ARHGEF11: variants seen among roughly 807,000 people sequenced by gnomAD.
ARHGEF11 encodes the protein Rho guanine nucleotide exchange factor 11.
ARHGEF11 carries 55 observed loss-of-function variants against 193.7 expected under a neutral mutation model. The observed-to-expected ratio is 0.28, with a 90% confidence interval of 0.23 to 0.36. The LOEUF (loss-of-function observed/expected upper bound fraction) is 0.36, where lower values mean the gene tolerates loss of function less well. Ranked by LOEUF, ARHGEF11 falls within the 10% of genes least tolerant of loss-of-function variation. The probability of loss-of-function intolerance (pLI) is 1.00; values close to 1 mark genes in which losing one functional copy is unlikely to be tolerated. For synonymous variants in ARHGEF11, 693 were observed against 768.0 expected (o/e 0.90, Z 1.62); for missense variants, 1,723 against 2,005.6 (o/e 0.86, Z 2.69).
chr1:157,039,490 C>T (rs925243400), intron 1 of ARHGEF11, among the ~76,000 whole-genome samples: 2 of 152,136 alleles, frequency 1.3e-5, no homozygotes, highest in Middle Eastern at 3.2e-3. Context: ...TCTAACATGA[C>T]TTTTTATGAA....
At chr1:156,992,221 AC>A (rs1249928782) in intron 1 of ARHGEF11, among the ~76,000 whole-genome samples, 2 of 152,154 alleles carry the variant, frequency 1.3e-5, no homozygotes, top group Non-Finnish European at 2.9e-5. Flanking sequence ...TTTCTTCCTT[AC>A]ACAACAGGTA....
In ARHGEF11 at chr1:156,947,759, A is replaced by C. The variant is rs1658413308; in HGVS notation, c.2341+10T>G. ...TGAGCGGAGCTGGGGGCAGTGGAGC[A>C]CGTTCTCACCATTGATGACCTCTTG... On this transcript the variant is annotated intron_variant, in intron 25 of 40. Transcript: ENST00000368194. 1 of 1,611,896 alleles carries C rather than the reference A, an allele frequency of 6.2e-7. No individual in the cohort carries two copies. The highest frequency in any genetic ancestry group is 1.7e-5 in the Admixed American group (1 of 59,978).
rs1571512919 is a variant in ARHGEF11, at chr1:157,016,370, CCACCA to C, written c.32+27924_32+27928del. 2.0e-5 allele frequency among the ~76,000 whole-genome samples: 3 copies of C among 152,204 alleles called. No homozygotes were observed. The East Asian group carries it at 5.8e-4, about 29-fold the overall frequency. On this transcript the variant is annotated intron_variant, in intron 1 of 40. Coordinates refer to ENST00000368194, the MANE Select transcript of ARHGEF11 (RefSeq NM_198236.3). Reference sequence around the variant, plus strand: ...GAGTAGCTGGGATTATAGACACCTGCCACCACACCCAGCTAATTTTTGTATTTTTA... The same window carrying C: ...GAGTAGCTGGGATTATAGACACCTGCCACCCAGCTAATTTTTGTATTTTTA...
chr1:157,010,027 G>A (rs979466717), intron 1 of ARHGEF11, among the ~76,000 whole-genome samples: 1 of 152,058 alleles, frequency 6.6e-6, no homozygotes, highest in Admixed American at 6.5e-5. Context: ...TGCCCCTAAG[G>A]TCAGCAACAA....
At chr1:156,961,883 A>T (rs1660910484) in intron 13 of ARHGEF11, 108 bp from the exon 14 acceptor site, 2 of 916,430 alleles carry the variant, frequency 2.2e-6, no homozygotes, top group Non-Finnish European at 3.5e-6. Flanking sequence ...TGTTACAACT[A>T]CTGGGCAAGT....
In ARHGEF11 at chr1:156,955,641, C is replaced by T. The variant is rs74116941; in HGVS notation, c.1768+62G>A. On this transcript the variant is annotated intron_variant, in intron 20 of 40. Coordinates refer to ENST00000368194, the MANE Select transcript of ARHGEF11 (RefSeq NM_198236.3). ...AAGGCCCTCTGCCAACATACTGGTACATGAAAGGGCTGAGGTCCCTGCCCA... is the reference window on the plus strand; with the variant it reads ...AAGGCCCTCTGCCAACATACTGGTATATGAAAGGGCTGAGGTCCCTGCCCA... 6.5e-5 allele frequency: 86 copies of T among 1,314,296 alleles called. No homozygotes were observed. The African/African-American group carries it at 1.0e-3, about 16-fold the overall frequency. The allele number at this position is 1,314,296 out of a possible 1,614,324, so 81.4% of individuals were successfully genotyped here.
In ARHGEF11 at chr1:156,939,812, G is replaced by T. The variant is rs375668144; in HGVS notation, c.3832C>A (p.Pro1278Thr). ...QEPEDDLTPT[P>T]SVISVTSHPW... is the part of the protein sequence containing the mutation. ...TGAGAGGTGACGCTGATGACAGAAG[G>T]TGTGGGTGTCAGGTCGTCCTCGGGC... The change falls in exon 37 of 41, where the codon CCT (proline) becomes ACT (threonine). Residue 1278 changes from proline to threonine, a missense_variant. Transcript: ENST00000368194. The T allele has an allele frequency of 4.2e-5, 67 of 1,613,692 alleles. No homozygotes were observed. Among genetic ancestry groups the T allele is most frequent in the Non-Finnish European group, 5.6e-5 (66 of 1,179,966 alleles).
At chr1:156,978,982 C>G (rs995500336) in intron 5 of ARHGEF11, among the ~76,000 whole-genome samples, 1 of 152,176 alleles carries the variant, frequency 6.6e-6, no homozygotes, top group Non-Finnish European at 1.5e-5. Flanking sequence ...ATAGGTGTGG[C>G]AAAGATGAGT....
chr1:156,977,043 A>C lies in ARHGEF11; in HGVS notation c.522T>G (p.Val174=). Reference sequence around the variant, plus strand: ...TGAGGATCTGGGTGGCATGTTTTTGAACTTCGGGATCCTAGACATGGAAAA... The same window carrying C: ...TGAGGATCTGGGTGGCATGTTTTTGCACTTCGGGATCCTAGACATGGAAAA... ...TGPKPLQDPE[V]QKHATQILRN... Residue 174 remains valine (V), a synonymous_variant, in exon 7 of 41, where the codon GTT becomes GTG. Coordinates refer to ENST00000368194, the MANE Select transcript of ARHGEF11 (RefSeq NM_198236.3). The C allele has an allele frequency of 6.2e-7, 1 of 1,614,006 alleles. No homozygotes were observed.
chr1:157,034,427 G>A (rs1276908885), intron 1 of ARHGEF11, among the ~76,000 whole-genome samples: 1 of 152,250 alleles, frequency 6.6e-6, no homozygotes, highest in Non-Finnish European at 1.5e-5. Context: ...AGAACTCTGA[G>A]AGGCTGAAGG....
At chr1:156,952,533 G>T (rs116840418) in intron 21 of ARHGEF11, among the ~76,000 whole-genome samples, 92 of 152,356 alleles carry the variant, frequency 6.0e-4, no homozygotes, top group African/African-American at 2.1e-3. Context: ...CAGCGGAAAG[G>T]ACAAGGGGAA....
intron 21 of ARHGEF11, among the ~76,000 whole-genome samples, chr1:156,953,659 T>C (rs1207098528): frequency 6.6e-6 from 1 of 152,218 alleles, no homozygotes; most frequent in Non-Finnish European, 1.5e-5. Context: ...AGTTTCCAGG[T>C]TGCATCCCAT....
chr1:156,968,415 C>T (rs563534249), intron 10 of ARHGEF11, among the ~76,000 whole-genome samples: 5 of 152,272 alleles, frequency 3.3e-5, no homozygotes, highest in Admixed American at 6.5e-5. Flanking sequence ...TGAGGTGTAT[C>T]CTGGACTTAA....
chr1:156,960,076 C>G (rs1660602964), intron 15 of ARHGEF11, among the ~76,000 whole-genome samples: 1 of 152,036 alleles, frequency 6.6e-6, no homozygotes. Context: ...AATCCCTAAT[C>G]AAGTCTGTTT....
intron 1 of ARHGEF11, among the ~76,000 whole-genome samples, chr1:156,999,389 C>T (rs980046653): frequency 7.9e-5 from 12 of 152,128 alleles, no homozygotes; most frequent in East Asian, 3.9e-4. Flanking sequence ...ATCATCCCCA[C>T]GACGAGGGAG....
Position 156,980,495 on chromosome 1 carries a change from A to C in ARHGEF11, c.224-9T>G. 6.3e-7 allele frequency: 1 copy of C among 1,589,732 alleles called. No individual in the cohort carries two copies. Among genetic ancestry groups the C allele is most frequent in the Non-Finnish European group, 8.6e-7 (1 of 1,166,656 alleles). On this transcript the variant is annotated splice_polypyrimidine_tract_variant and intron_variant, in intron 3 of 40. Coordinates refer to ENST00000368194, the MANE Select transcript of ARHGEF11 (RefSeq NM_198236.3). Reference sequence around the variant, plus strand: ...CTTCATGGCTGCACCTCCTGTAAGGAGAAGGCCTGGTCAGCAGTGCCCAAC... The same window carrying C: ...CTTCATGGCTGCACCTCCTGTAAGGCGAAGGCCTGGTCAGCAGTGCCCAAC...
chr1:156,942,001 C>T lies in ARHGEF11; in HGVS notation c.3327-12G>A. On this transcript the variant is annotated splice_polypyrimidine_tract_variant and intron_variant, in intron 33 of 40. Transcript: ENST00000368194. ...AGAGCTCCATCCATCTGTTGCTCGG[C>T]AGGAACAGAGAGGACTGTAGTGAGA... 1 of 1,614,066 alleles carries T rather than the reference C, an allele frequency of 6.2e-7. No homozygotes were observed. The highest frequency in any genetic ancestry group is 1.1e-5 in the South Asian group (1 of 91,082).
chr1:157,002,532 C>A (rs1034967595), intron 1 of ARHGEF11, among the ~76,000 whole-genome samples: 11 of 152,162 alleles, frequency 7.2e-5, no homozygotes, highest in Non-Finnish European at 1.3e-4. Context: ...ATGATCCTTT[C>A]AGTAACTAAG....
At chr1:157,012,936 A>G (rs556097130) in intron 1 of ARHGEF11, among the ~76,000 whole-genome samples, 6 of 152,310 alleles carry the variant, frequency 3.9e-5, no homozygotes, top group African/African-American at 1.4e-4. Context: ...GGAGAAAACT[A>G]AAATAGGGCA....
Sources: gnomAD v4.1 joint callset for allele counts (sites outside exome capture counted in the v4.1 genomes callset) on GRCh38, gnomAD v4.1.1 for gene constraint, MANE v1.5 for transcripts, NCBI Gene and HGNC (gene_info 2026-07-23, HGNC 2026-07-21) for gene names.